The following DOCK1 variants were observed in gnomAD, a reference collection of about 807,000 sequenced individuals.
DOCK1 encodes the protein dedicator of cytokinesis protein 1.
Under a neutral mutation model 262.7 loss-of-function variants are expected in DOCK1, and 138 were observed. That is an observed-to-expected ratio of 0.53 (90% CI 0.46 to 0.61). The LOEUF (loss-of-function observed/expected upper bound fraction) is 0.61. DOCK1 is among the 20% of genes least tolerant of loss of function. The probability of loss-of-function intolerance (pLI) is 0.00; values close to 1 mark genes in which losing one functional copy is unlikely to be tolerated. For missense variants in DOCK1, 1,908 were observed against 2,370.7 expected, an observed-to-expected ratio of 0.80 and a Z score of 4.05; for synonymous variants, 866 against 867.4, an observed-to-expected ratio of 1.00 and a Z score of 0.03.
At chr10:127,017,544 GACAC>G (rs58811944) in intron 12 of DOCK1, among the ~76,000 whole-genome samples, 9 of 150,098 alleles carry the variant, frequency 6.0e-5, no homozygotes, top group Non-Finnish European at 3.0e-5. Context: ...TGGACACACA[GACAC>G]ACACACACAC....
intron 12 of DOCK1, 42 bp from the exon 13 acceptor site, chr10:127,018,668 A>G (rs372847190): frequency 5.6e-6 from 9 of 1,612,368 alleles, no homozygotes; most frequent in African/African-American, 4.0e-5. Context: ...CTAAAAATGC[A>G]TAGGATAAAA....
chr10:127,312,015 C>A (rs1446412484), intron 29 of DOCK1, among the ~76,000 whole-genome samples: 1 of 152,078 alleles, frequency 6.6e-6, no homozygotes, highest in African/African-American at 2.4e-5. Context: ...CAGGCCCACG[C>A]TACCACACCT....
chr10:126,963,633 C>CCCCTCCCCTCCTTCCTTCCTT (rs2037427221), intron 1 of DOCK1, among the ~76,000 whole-genome samples: 4 of 65,864 alleles, frequency 6.1e-5, no homozygotes, highest in African/African-American at 7.8e-5. Context: ...CCCTTCCCTT[C>CCCCTCCCCTCCTTCCTTCCTT]CCTTCCCTCC....
chr10:127,391,371 GA>G (rs1313733846), intron 38 of DOCK1, among the ~76,000 whole-genome samples: 1 of 152,164 alleles, frequency 6.6e-6, no homozygotes. Context: ...GAGAGAGGTA[GA>G]AACAGGCAGC....
chr10:127,329,120 C>T lies in DOCK1; in HGVS notation c.3045-9886C>T, dbSNP rs185222038. On this transcript the variant is annotated intron_variant, in intron 29 of 51. Coordinates refer to ENST00000623213, the MANE Select transcript of DOCK1 (RefSeq NM_001290223.2). ...GTTCACCCCAAGCAGAAACTCTCAA[C>T]TCCCTGTTCCCATCCCCCATGTATA... is the stretch of plus-strand genomic sequence containing the variant. 2.0e-3 allele frequency among the ~76,000 whole-genome samples: 307 copies of T among 152,210 alleles called. 2 individuals carry two copies. Among genetic ancestry groups the T allele is most frequent in the African/African-American group, 6.9e-3 (287 of 41,530 alleles).
intron 29 of DOCK1, among the ~76,000 whole-genome samples, chr10:127,322,803 C>T (rs1203169736): frequency 1.3e-5 from 2 of 152,344 alleles, no homozygotes; most frequent in Non-Finnish European, 2.9e-5. Flanking sequence ...ACCATATGGC[C>T]TGCAAGGCCT....
At chr10:127,205,327 T>G (rs578187207) in intron 27 of DOCK1, among the ~76,000 whole-genome samples, 9 of 152,232 alleles carry the variant, frequency 5.9e-5, no homozygotes, top group Non-Finnish European at 1.2e-4. Flanking sequence ...GACTCCAGCG[T>G]GGATGAAGGA....
chr10:127,085,430 C>T (rs1189819194), intron 23 of DOCK1, among the ~76,000 whole-genome samples: 4 of 152,166 alleles, frequency 2.6e-5, no homozygotes, highest in Admixed American at 6.5e-5. Context: ...CAACAAATAC[C>T]CACTGCTGTT....
At chr10:127,292,266 A>G (rs1009654731) in intron 29 of DOCK1, among the ~76,000 whole-genome samples, 1 of 152,034 alleles carries the variant, frequency 6.6e-6, no homozygotes, top group African/African-American at 2.4e-5. Context: ...GCCCATCCAG[A>G]CACTGTGGGT....
chr10:127,412,281 C>G (rs1466979677), intron 43 of DOCK1, among the ~76,000 whole-genome samples: 1 of 152,114 alleles, frequency 6.6e-6, no homozygotes, highest in Non-Finnish European at 1.5e-5. Context: ...TTTAAAAATT[C>G]TACATACAAA....
intron 29 of DOCK1, among the ~76,000 whole-genome samples, chr10:127,261,890 CTGTGTGTGTGCATG>C (rs1564946376): frequency 8.7e-6 from 1 of 115,274 alleles, no homozygotes; most frequent in Non-Finnish European, 1.7e-5. Flanking sequence ...CCGTGCTCAT[CTGTGTGTGTGCATG>C]TGTGTGTGTA....
intron 11 of DOCK1, among the ~76,000 whole-genome samples, chr10:127,010,229 G>A (rs1383422692): frequency 1.3e-5 from 2 of 152,204 alleles, no homozygotes; most frequent in Non-Finnish European, 2.9e-5. Flanking sequence ...CACTTTGGGA[G>A]GCCGAGGCAG....
chr10:127,265,326 G>A (rs544281340), intron 29 of DOCK1, among the ~76,000 whole-genome samples: 5 of 152,026 alleles, frequency 3.3e-5, no homozygotes, highest in Admixed American at 2.0e-4. Context: ...ATTTCATCCC[G>A]ATTTGGAGTT....
chr10:127,079,659 G>C (rs2046784356), intron 23 of DOCK1, among the ~76,000 whole-genome samples: 1 of 152,138 alleles, frequency 6.6e-6, no homozygotes, highest in Non-Finnish European at 1.5e-5. Flanking sequence ...GGCAGGGTGA[G>C]GTGGCTCATG....
At chr10:127,399,465 C>T (rs1394876805) in intron 38 of DOCK1, among the ~76,000 whole-genome samples, 1 of 151,338 alleles carries the variant, frequency 6.6e-6, no homozygotes, top group East Asian at 1.9e-4. Context: ...AATGCAGAGT[C>T]CTTTAGAACA....
chr10:127,323,819 C>T (rs2062639935), intron 29 of DOCK1, among the ~76,000 whole-genome samples: 1 of 152,192 alleles, frequency 6.6e-6, no homozygotes. Context: ...AATGCGAGCC[C>T]CCTTCTCCTT....
chr10:126,988,703 A>G (rs2039582670), intron 5 of DOCK1, among the ~76,000 whole-genome samples: 1 of 152,200 alleles, frequency 6.6e-6, no homozygotes, highest in African/African-American at 2.4e-5. Flanking sequence ...TTCCTTTTAC[A>G]AAACTTAAAT....
chr10:127,106,082 T>C (rs1456955613), intron 23 of DOCK1, 149 bp from the exon 24 acceptor site: 2 of 783,802 alleles, frequency 2.6e-6, no homozygotes, highest in South Asian at 2.0e-5. Flanking sequence ...TTCTTTGCTC[T>C]ATTTTCATCG....
At chr10:127,238,007 C>A (rs1264710737) in intron 27 of DOCK1, among the ~76,000 whole-genome samples, 1 of 152,202 alleles carries the variant, frequency 6.6e-6, no homozygotes, top group African/African-American at 2.4e-5. Context: ...CATGTGTAAA[C>A]TTTCTTTTCT....
Sources: gnomAD v4.1 joint callset for allele counts (sites outside exome capture counted in the v4.1 genomes callset) on GRCh38, gnomAD v4.1.1 for gene constraint, MANE v1.5 for transcripts, NCBI Gene and HGNC (gene_info 2026-07-23, HGNC 2026-07-21) for gene names.